Variants in SUGCT observed in about 807,000 individuals in gnomAD.
SUGCT encodes the protein succinyl-CoA:glutarate CoA-transferase.
In SUGCT, 41 loss-of-function variants were observed where a neutral mutation model predicts 55.0. The observed-to-expected ratio is 0.74, with a 90% CI of 0.58 to 0.97. SUGCT has a LOEUF of 0.97. Among genes scored for constraint, SUGCT ranks in the 50% least tolerant of loss-of-function variants. The probability of loss-of-function intolerance (pLI) is 0.00; values close to 1 mark genes in which losing one functional copy is unlikely to be tolerated. For synonymous variants in SUGCT, 187 were observed against 200.4 expected (o/e 0.93, Z 0.56); for missense variants, 568 against 547.8 (o/e 1.04, Z -0.37).
intron 9 of SUGCT, among the ~76,000 whole-genome samples, chr7:40,403,054 C>G (rs1404761017): frequency 6.6e-6 from 1 of 152,184 alleles, no homozygotes; most frequent in African/African-American, 2.4e-5. Flanking sequence ...TTACTTACTT[C>G]GTTTTAAACT....
chr7:40,508,994 G>A (rs113174067), intron 12 of SUGCT, among the ~76,000 whole-genome samples: 1 of 149,806 alleles, frequency 6.7e-6, no homozygotes, highest in African/African-American at 2.5e-5. Flanking sequence ...TTTTTTTTTT[G>A]AAAGAAAAGT....
chr7:40,237,221 A>T (rs1327103866), intron 6 of SUGCT, among the ~76,000 whole-genome samples: 1 of 151,142 alleles, frequency 6.6e-6, no homozygotes, highest in Non-Finnish European at 1.5e-5. Flanking sequence ...AGGCAGGTGG[A>T]TCACTTCACA....
intron 8 of SUGCT, among the ~76,000 whole-genome samples, chr7:40,308,802 G>C (rs1794975197): frequency 6.6e-6 from 1 of 152,164 alleles, no homozygotes; most frequent in Admixed American, 6.5e-5. Context: ...TTGAGGTCAG[G>C]AGTTCGAGAC....
intron 12 of SUGCT, among the ~76,000 whole-genome samples, chr7:40,691,841 G>A (rs568504255): frequency 1.3e-5 from 2 of 151,992 alleles, no homozygotes; most frequent in Non-Finnish European, 2.9e-5. Flanking sequence ...TGGGGAAGGA[G>A]GAATATAAAG....
chr7:40,963,539 A>G, the SUGCT span, among the ~76,000 whole-genome samples: 1 of 152,200 alleles, frequency 6.6e-6, no homozygotes, highest in Non-Finnish European at 1.5e-5. Flanking sequence ...TGTATTGGGG[A>G]AGAATGTTTT....
intron 13 of SUGCT, among the ~76,000 whole-genome samples, chr7:40,764,213 T>A (rs1397176892): frequency 6.6e-6 from 1 of 152,208 alleles, no homozygotes; most frequent in Non-Finnish European, 1.5e-5. Context: ...CAACTCAAAT[T>A]CCAACCATTC....
the SUGCT span, among the ~76,000 whole-genome samples, chr7:40,872,026 G>A: frequency 6.6e-6 from 1 of 152,248 alleles, no homozygotes; most frequent in African/African-American, 2.4e-5. Context: ...ATGGAGGGGA[G>A]TGTGGGGGGA....
At chr7:40,346,194 A>T (rs923109036) in intron 9 of SUGCT, among the ~76,000 whole-genome samples, 1 of 152,078 alleles carries the variant, frequency 6.6e-6, no homozygotes, top group Admixed American at 6.5e-5. Flanking sequence ...TAGATTTTAA[A>T]TTATACGTCT....
chr7:40,629,914 A>G (rs753645329), intron 12 of SUGCT, among the ~76,000 whole-genome samples: 7 of 152,184 alleles, frequency 4.6e-5, no homozygotes, highest in Non-Finnish European at 1.0e-4. Flanking sequence ...GTGAGAAGCT[A>G]CAGGGTTTGA....
chr7:40,473,546 C>G (rs931676217), intron 11 of SUGCT, among the ~76,000 whole-genome samples: 3 of 152,010 alleles, frequency 2.0e-5, no homozygotes, highest in African/African-American at 7.2e-5. Flanking sequence ...GCAGCAGGGA[C>G]TGAGTTTTTG....
chr7:40,566,257 A>G (rs1796146344), intron 12 of SUGCT, among the ~76,000 whole-genome samples: 1 of 131,280 alleles, frequency 7.6e-6, no homozygotes, highest in Non-Finnish European at 1.7e-5. Flanking sequence ...TAACACAGAT[A>G]CTATTAGTAT....
chr7:40,278,311 C>G (rs1332999514), intron 8 of SUGCT, among the ~76,000 whole-genome samples: 1 of 152,140 alleles, frequency 6.6e-6, no homozygotes, highest in Admixed American at 6.5e-5. Context: ...AATAGGAACA[C>G]TTTTACACTG....
chr7:40,187,661 G>C (rs1360292289), intron 3 of SUGCT, among the ~76,000 whole-genome samples: 1 of 152,214 alleles, frequency 6.6e-6, no homozygotes, highest in Non-Finnish European at 1.5e-5. Context: ...CTACTAGCCT[G>C]GTGCAGTGGG....
At chr7:40,201,668 G>A (rs1028765263) in intron 6 of SUGCT, among the ~76,000 whole-genome samples, 1 of 152,018 alleles carries the variant, frequency 6.6e-6, no homozygotes, top group Non-Finnish European at 1.5e-5. Context: ...ATAAATATAG[G>A]GTTTCAAAAC....
chr7:40,552,704 A>G (rs1400703458), intron 12 of SUGCT, among the ~76,000 whole-genome samples: 1 of 152,170 alleles, frequency 6.6e-6, no homozygotes, highest in Non-Finnish European at 1.5e-5. Flanking sequence ...GCATGGAAGG[A>G]AAAGGGCAAA....
At chr7:40,989,742 GC>G in the SUGCT span, among the ~76,000 whole-genome samples, 2 of 152,200 alleles carry the variant, frequency 1.3e-5, no homozygotes, top group African/African-American at 4.8e-5. Flanking sequence ...CTGCACTCCA[GC>G]CTGGGTGACA....
chr7:40,657,830 G>A (rs761314149), intron 12 of SUGCT, among the ~76,000 whole-genome samples: 7 of 152,118 alleles, frequency 4.6e-5, no homozygotes, highest in East Asian at 3.9e-4. Flanking sequence ...CACTGCGCCC[G>A]GCCATGAAGT....
At position 40,291,642 on chromosome 7, in the gene SUGCT, A is replaced by G. The variant is rs534789214; in HGVS notation, c.720+16986A>G. ...GCACATTGTGCACATGTACCCTAAA[A>G]CTTAAAGTATAATAATAATAAAATA... On this transcript the variant is annotated intron_variant, in intron 8 of 13. Coordinates refer to ENST00000335693, the MANE Select transcript of SUGCT (RefSeq NM_001193313.2). 8.8e-4 allele frequency among the ~76,000 whole-genome samples: 129 copies of G among 146,436 alleles called. 2 individuals carry two copies. The highest frequency in any genetic ancestry group is 7.0e-3 in the Middle Eastern group (2 of 286).
chr7:40,408,965 G>GT (rs1786521671), intron 9 of SUGCT, among the ~76,000 whole-genome samples: 1 of 151,920 alleles, frequency 6.6e-6, no homozygotes, highest in Non-Finnish European at 1.5e-5. Flanking sequence ...TCTTTTGTTT[G>GT]TTTTTTTGAG....
Sources: gnomAD v4.1 joint callset for allele counts (sites outside exome capture counted in the v4.1 genomes callset) on GRCh38, gnomAD v4.1.1 for gene constraint, MANE v1.5 for transcripts, NCBI Gene and HGNC (gene_info 2026-07-23, HGNC 2026-07-21) for gene names.